The following CCDC141 variants were observed in gnomAD, a reference collection of about 807,000 sequenced individuals.
CCDC141 encodes coiled-coil domain-containing protein 141.
Under a neutral mutation model 181.0 loss-of-function variants are expected in CCDC141, and 168 were observed. That is an observed-to-expected ratio of 0.93 (90% CI 0.82 to 1.05). The LOEUF is 1.05. Ranked by LOEUF, CCDC141 falls within the 50% of genes least tolerant of loss-of-function variation. CCDC141 has a pLI of 0.00. For missense variants in CCDC141, 1,902 were observed against 1,788.5 expected, an observed-to-expected ratio of 1.06 and a Z score of -1.14; for synonymous variants, 666 against 642.3, an observed-to-expected ratio of 1.04 and a Z score of -0.56.
intron 2 of CCDC141, among the ~76,000 whole-genome samples, chr2:179,025,190 G>A (rs2042802469): frequency 6.6e-6 from 1 of 151,916 alleles, no homozygotes; most frequent in Non-Finnish European, 1.5e-5. Flanking sequence ...CAGGGGTTCG[G>A]GATACAGATT....
chr2:178,885,580 G>A (rs1478752641), intron 10 of CCDC141, among the ~76,000 whole-genome samples: 1 of 151,998 alleles, frequency 6.6e-6, no homozygotes, highest in African/African-American at 2.4e-5. Flanking sequence ...GGGCCAGTGG[G>A]GAAAATATTA....
chr2:178,841,743 C>T (rs1430122235), intron 22 of CCDC141, among the ~76,000 whole-genome samples: 1 of 152,160 alleles, frequency 6.6e-6, no homozygotes, highest in Non-Finnish European at 1.5e-5. Context: ...CTCCCAAGTT[C>T]AAATGATTCT....
At chr2:178,966,994 A>G (rs1293504881) in intron 4 of CCDC141, among the ~76,000 whole-genome samples, 3 of 151,944 alleles carry the variant, frequency 2.0e-5, no homozygotes, top group African/African-American at 7.2e-5. Context: ...AGCAGAAGAA[A>G]GGATATCAGT....
chr2:178,995,289 A>T lies in CCDC141; in HGVS notation c.226-16614T>A, dbSNP rs181794302. ...GGCAGAAGGCAAGGAGGACCAAGTC[A>T]CATCTTACATGGATAGCAGCAGGCA... On this transcript the variant is annotated intron_variant, in intron 2 of 23. Transcript: ENST00000443758. Among the ~76,000 whole-genome samples, 190 of 152,356 alleles carry T rather than the reference A, an allele frequency of 1.2e-3. 2 individuals carry two copies. Among genetic ancestry groups the T allele is most frequent in the Non-Finnish European group, 2.4e-3 (160 of 68,038 alleles).
rs1281395599 is a variant in CCDC141 at position 178,845,752 on chromosome 2, G to A, written c.3358-10C>T. ...TTAAAACATCTCCCTGCTGTACAAA[G>A]CAACAGTTAGTGAGAGCATGAGCCA... On this transcript the variant is annotated splice_polypyrimidine_tract_variant and intron_variant, in intron 21 of 23. Coordinates refer to ENST00000443758, the MANE Select transcript of CCDC141 (RefSeq NM_173648.4). The A allele has an allele frequency of 6.6e-7, 1 of 1,511,772 alleles. No individual in the cohort carries two copies. Among genetic ancestry groups the A allele is most frequent in the Admixed American group, 1.7e-5 (1 of 59,856 alleles). 93.6% of individuals were successfully genotyped at this position (1,511,772 alleles called of 1,614,324 possible).
In CCDC141 at chr2:178,981,657, T is replaced by TATATATATATATATATATATAC. The variant is rs1553495348; in HGVS notation, c.226-2983_226-2982insGTATATATATATATATATATAT. On this transcript the variant is annotated intron_variant, in intron 2 of 23. Coordinates refer to ENST00000443758, the MANE Select transcript of CCDC141 (RefSeq NM_173648.4). ...GTGTGTATATATATATATATATATA[T>TATATATATATATATATATATAC]ACATACATATATACATATATATATA... 6.9e-4 allele frequency among the ~76,000 whole-genome samples: 91 copies of TATATATATATATATATATATAC among 132,024 alleles called. 2 individuals are homozygous for TATATATATATATATATATATAC. Among genetic ancestry groups the TATATATATATATATATATATAC allele is most frequent in the African/African-American group, 2.1e-3 (73 of 35,054 alleles). 86.6% of individuals were successfully genotyped at this position (132,024 alleles called of 152,430 possible). A position where few individuals can be genotyped will look rare whatever the true frequency, so the allele number is the denominator to read the frequency against.
chr2:178,906,794 C>T (rs115315092), intron 7 of CCDC141, among the ~76,000 whole-genome samples: 2 of 151,926 alleles, frequency 1.3e-5, no homozygotes, highest in Non-Finnish European at 1.5e-5. Context: ...GGAGACCAGG[C>T]GAGCAAGGTT....
At chr2:178,980,025 G>A (rs765034743) in intron 2 of CCDC141, among the ~76,000 whole-genome samples, 3 of 151,998 alleles carry the variant, frequency 2.0e-5, no homozygotes, top group Non-Finnish European at 4.4e-5. Flanking sequence ...AATTAAGGGG[G>A]ATAAACTGAT....
At chr2:178,840,477 G>C (rs1684674671) in intron 22 of CCDC141, among the ~76,000 whole-genome samples, 1 of 152,182 alleles carries the variant, frequency 6.6e-6, no homozygotes, top group Non-Finnish European at 1.5e-5. Flanking sequence ...AATCCCTGCT[G>C]GGGAGGAATT....
At chr2:178,988,234 C>T (rs1327618755) in intron 2 of CCDC141, among the ~76,000 whole-genome samples, 1 of 149,576 alleles carries the variant, frequency 6.7e-6, no homozygotes, top group Non-Finnish European at 1.5e-5. Flanking sequence ...AAACCAAACA[C>T]CGTATATTCT....
intron 2 of CCDC141, among the ~76,000 whole-genome samples, chr2:178,979,063 G>T (rs1365453108): frequency 6.6e-6 from 1 of 152,142 alleles, no homozygotes; most frequent in Non-Finnish European, 1.5e-5. Context: ...GCCCAGTAAA[G>T]CTTAGTTTAT....
chr2:178,893,823 GCACACA>G (rs34654821), intron 8 of CCDC141, among the ~76,000 whole-genome samples: 38 of 141,988 alleles, frequency 2.7e-4, no homozygotes, highest in African/African-American at 8.4e-4. Flanking sequence ...ACACACACAC[GCACACA>G]CACACACACA....
chr2:178,819,668 T>C, the CCDC141 span, among the ~76,000 whole-genome samples: 1 of 152,130 alleles, frequency 6.6e-6, no homozygotes, highest in Non-Finnish European at 1.5e-5. Flanking sequence ...GTGGAGGTGC[T>C]AATGACATCT....
intron 6 of CCDC141, among the ~76,000 whole-genome samples, chr2:178,924,153 A>T: frequency 6.6e-6 from 1 of 152,244 alleles, no homozygotes; most frequent in Non-Finnish European, 1.5e-5. Context: ...ACTTCAGAAT[A>T]TAAGTTTTAA....
Position 179,033,013 on chromosome 2 carries a change from T to TAGA in CCDC141, c.225+14270_225+14271insTCT, listed in dbSNP as rs1306081342. On this transcript the variant is annotated intron_variant, in intron 2 of 23. Transcript: ENST00000443758. The stretch of plus-strand genomic sequence containing the variant: ...CAGAATATTATATATATATATAATA[T>TAGA]ATAATATTATATATATTATAAAGTC... Among the ~76,000 whole-genome samples, 56 of 147,498 alleles carry TAGA rather than the reference T, an allele frequency of 3.8e-4. 1 individual carries two copies. The highest frequency in any genetic ancestry group is 1.3e-3 in the African/African-American group (54 of 40,734).
At chr2:178,911,509 A>G (rs1688216959) in intron 7 of CCDC141, among the ~76,000 whole-genome samples, 1 of 152,206 alleles carries the variant, frequency 6.6e-6, no homozygotes, top group African/African-American at 2.4e-5. Flanking sequence ...TCTAATTTTC[A>G]CTTAATACCC....
At chr2:178,911,442 G>A (rs1044850125) in intron 7 of CCDC141, among the ~76,000 whole-genome samples, 1 of 152,140 alleles carries the variant, frequency 6.6e-6, no homozygotes, top group Non-Finnish European at 1.5e-5. Flanking sequence ...TCATACTCAG[G>A]CATTCTGGCT....
intron 7 of CCDC141, among the ~76,000 whole-genome samples, chr2:178,908,164 G>A (rs1320488054): frequency 3.9e-5 from 6 of 151,984 alleles, no homozygotes; most frequent in South Asian, 2.1e-4. Context: ...TGAATAAAGC[G>A]GAGTTTGTTG....
intron 4 of CCDC141, among the ~76,000 whole-genome samples, chr2:178,964,013 G>A (rs1355824865): frequency 6.6e-6 from 1 of 152,180 alleles, no homozygotes; most frequent in East Asian, 1.9e-4. Context: ...AACAAGATGG[G>A]GCTGGGGGTA....
Sources: gnomAD v4.1 joint callset for allele counts (sites outside exome capture counted in the v4.1 genomes callset) on GRCh38, gnomAD v4.1.1 for gene constraint, MANE v1.5 for transcripts, NCBI Gene and HGNC (gene_info 2026-07-23, HGNC 2026-07-21) for gene names.